The following ZFYVE9 variants were observed in gnomAD, a reference collection of about 807,000 sequenced individuals.
The protein encoded by ZFYVE9 is zinc finger FYVE-type containing 9, also known as zinc finger FYVE domain-containing protein 9.
Under a neutral mutation model 126.7 loss-of-function variants are expected in ZFYVE9, and 43 were observed. The ratio of observed to expected loss-of-function variants is 0.34; its 90% CI spans 0.27 to 0.44. The LOEUF (loss-of-function observed/expected upper bound fraction) is 0.44. Ranked by LOEUF, ZFYVE9 falls within the 20% of genes least tolerant of loss-of-function variation. The pLI, the probability that ZFYVE9 is intolerant of heterozygous loss-of-function variation, is 1.00. For synonymous variants in ZFYVE9, 521 were observed against 597.4 expected (o/e 0.87, Z 1.87); for missense variants, 1,476 against 1,697.0 (o/e 0.87, Z 2.29).
intron 1 of ZFYVE9, among the ~76,000 whole-genome samples, chr1:52,212,586 G>A (rs139243987): frequency 2.0e-5 from 3 of 152,344 alleles, no homozygotes; most frequent in African/African-American, 7.2e-5. Flanking sequence ...TAAGGCAGTT[G>A]TAGAAATGGG....
chr1:52,177,962 A>C (rs537930534), intron 1 of ZFYVE9, among the ~76,000 whole-genome samples: 1 of 146,422 alleles, frequency 6.8e-6, no homozygotes, highest in South Asian at 2.2e-4. Context: ...TTTTTTTAGC[A>C]GGGCATGGGG....
At chr1:52,307,822 G>A (rs1283597253) in intron 13 of ZFYVE9, among the ~76,000 whole-genome samples, 1 of 151,208 alleles carries the variant, frequency 6.6e-6, no homozygotes, top group East Asian at 2.0e-4. Flanking sequence ...AGCGATCTCG[G>A]CTCACTGCAA....
intron 1 of ZFYVE9, among the ~76,000 whole-genome samples, chr1:52,172,272 G>GCT (rs1268760557): frequency 6.6e-6 from 1 of 152,112 alleles, no homozygotes; most frequent in African/African-American, 2.4e-5. Flanking sequence ...TTTCCCCATT[G>GCT]CTTGTTTATC....
intron 13 of ZFYVE9, among the ~76,000 whole-genome samples, chr1:52,320,601 C>T (rs1646230108): frequency 1.3e-5 from 2 of 152,186 alleles, no homozygotes; most frequent in Non-Finnish European, 2.9e-5. Flanking sequence ...TGAACCTCAA[C>T]CTTTACCTCA....
At chr1:52,262,755 G>C (rs1645591583) in intron 4 of ZFYVE9, among the ~76,000 whole-genome samples, 1 of 152,102 alleles carries the variant, frequency 6.6e-6, no homozygotes, top group African/African-American at 2.4e-5. Context: ...GCTCTATGTG[G>C]TAAATGACTG....
intron 7 of ZFYVE9, among the ~76,000 whole-genome samples, chr1:52,272,028 C>T (rs906918675): frequency 4.6e-5 from 7 of 151,948 alleles, no homozygotes; most frequent in East Asian, 1.9e-4. Flanking sequence ...TAGTAAGAGA[C>T]GGTTTCACCA....
At chr1:52,326,439 A>G (rs1389417861) in intron 13 of ZFYVE9, among the ~76,000 whole-genome samples, 1 of 152,226 alleles carries the variant, frequency 6.6e-6, no homozygotes, top group African/African-American at 2.4e-5. Context: ...TCATAACTCT[A>G]TGAAATAGTT....
At chr1:52,320,118 T>C (rs1038206938) in intron 13 of ZFYVE9, among the ~76,000 whole-genome samples, 10 of 147,506 alleles carry the variant, frequency 6.8e-5, no homozygotes, top group African/African-American at 2.2e-4. Context: ...TTGCCCAGGC[T>C]GGAGTGCAAT....
chr1:52,176,401 C>T (rs1644628803), intron 1 of ZFYVE9, among the ~76,000 whole-genome samples: 1 of 152,190 alleles, frequency 6.6e-6, no homozygotes, highest in South Asian at 2.1e-4. Flanking sequence ...TGTCAGTCTG[C>T]CCCTACTGGG....
At chr1:52,339,557 C>T (rs1231340513) in intron 16 of ZFYVE9, among the ~76,000 whole-genome samples, 1 of 152,182 alleles carries the variant, frequency 6.6e-6, no homozygotes, top group African/African-American at 2.4e-5. Flanking sequence ...TCCCAAAGTG[C>T]TGGGATTACA....
rs745908308 is a variant in ZFYVE9, at chr1:52,334,786, C to T, written c.3670+18C>T. The stretch of plus-strand genomic sequence containing the variant: ...TGTGGAAGGTAAAGAATGAATTGTT[C>T]AGTCCTCATAATAAGGACTGAACTT... On this transcript the variant is annotated intron_variant, in intron 15 of 18. Transcript: ENST00000287727. 1.9e-6 allele frequency: 3 copies of T among 1,611,666 alleles called. No homozygotes were observed. Among genetic ancestry groups the T allele is most frequent in the Non-Finnish European group, 2.5e-6 (3 of 1,178,066 alleles).
intron 1 of ZFYVE9, among the ~76,000 whole-genome samples, chr1:52,153,541 AG>A (rs1411945707): frequency 6.6e-6 from 1 of 152,176 alleles, no homozygotes; most frequent in African/African-American, 2.4e-5. Context: ...GTGGTATCCT[AG>A]GGAATCATCT....
rs202212629 is a variant in ZFYVE9 at position 52,239,443 on chromosome 1, G to A, written c.2026G>A (p.Gly676Ser). 153 of 1,614,032 alleles carry A rather than the reference G, an allele frequency of 9.5e-5. 1 individual carries two copies. Among genetic ancestry groups the A allele is most frequent in the South Asian group, 1.1e-5 (1 of 91,092 alleles). Residue 676 changes from glycine to serine, a missense_variant, in exon 4 of 19, where the codon GGT (glycine) becomes AGT (serine). Gly to Ser is a moderately conservative substitution (Grantham distance 56). Around this residue, in one of 2 missense-constraint regions of ZFYVE9, gnomAD observed 807 missense variants for 794.6 expected, o/e 1.02. Transcript: ENST00000287727. Reference protein sequence around the residue: ...PDSPDNDLRAGQFGISARKPF... With the variant: ...PDSPDNDLRASQFGISARKPF... ...TAGCCCAGATAATGATCTCAGAGCT[G>A]GTCAGTTTGGAATTTCTGCCAGAAA...
At chr1:52,166,063 T>G (rs1644510971) in intron 1 of ZFYVE9, among the ~76,000 whole-genome samples, 2 of 152,210 alleles carry the variant, frequency 1.3e-5, no homozygotes, top group African/African-American at 2.4e-5. Context: ...CTTCTTCATA[T>G]TTCCATTTTG....
At chr1:52,320,218 A>G (rs1335124764) in intron 13 of ZFYVE9, among the ~76,000 whole-genome samples, 1 of 151,628 alleles carries the variant, frequency 6.6e-6, no homozygotes, top group East Asian at 2.0e-4. Flanking sequence ...TTACAGGCAC[A>G]TGCCACCACG....
At chr1:52,339,343 A>G (rs1412788715) in intron 16 of ZFYVE9, among the ~76,000 whole-genome samples, 1 of 151,628 alleles carries the variant, frequency 6.6e-6, no homozygotes, top group Non-Finnish European at 1.5e-5. Context: ...GCTGGAGTAC[A>G]GTGGTGCGAT....
At chr1:52,329,623 C>T (rs756457695) in intron 13 of ZFYVE9, among the ~76,000 whole-genome samples, 8 of 152,082 alleles carry the variant, frequency 5.3e-5, no homozygotes, top group East Asian at 1.9e-4. Flanking sequence ...TCTTACATAT[C>T]GGCCGGGCGC....
Position 52,238,962 on chromosome 1 carries a change from C to G in ZFYVE9, c.1545C>G (p.Cys515Trp), listed in dbSNP as rs1241157246. 2 of 1,613,924 alleles carry G rather than the reference C, an allele frequency of 1.2e-6. No individual in the cohort carries two copies. Among genetic ancestry groups the G allele is most frequent in the African/African-American group, 2.7e-5 (2 of 74,890 alleles). ...AAATAGAGGAAAGCAAGTCAGAATG[C>G]TACTCAAATATTTATGAACAGAGAG... ...EKEIEESKSECYSNIYEQRGN... is the reference protein window; with the variant it reads ...EKEIEESKSEWYSNIYEQRGN... The change falls in exon 4 of 19, where the codon TGC becomes TGG. Residue 515 changes from cysteine to tryptophan, a missense_variant. Transcript: ENST00000287727.
intron 1 of ZFYVE9, among the ~76,000 whole-genome samples, chr1:52,215,923 C>T (rs1645068185): frequency 6.6e-6 from 1 of 152,020 alleles, no homozygotes; most frequent in Non-Finnish European, 1.5e-5. Context: ...CAATAAAAAT[C>T]ACAACTGGAA....
Sources: allele counts gnomAD v4.1 joint callset (sites outside exome capture counted in the v4.1 genomes callset), GRCh38; gene constraint gnomAD v4.1.1; regional missense constraint gnomAD v4.1.1; transcripts MANE v1.5; gene names NCBI Gene and HGNC (gene_info 2026-07-23, HGNC 2026-07-21).